GLCE: variants seen among roughly 807,000 people sequenced by gnomAD.
The protein encoded by GLCE is glucuronic acid epimerase.
GLCE carries 19 observed loss-of-function variants against 47.9 expected under a neutral mutation model. The ratio of observed to expected loss-of-function variants is 0.40; its 90% CI spans 0.28 to 0.58. The LOEUF (loss-of-function observed/expected upper bound fraction) is 0.58. GLCE is among the 20% of genes least tolerant of loss of function. The pLI is 0.48. For missense variants in GLCE, 556 were observed against 743.3 expected (o/e 0.75, Z 2.93); for synonymous variants, 245 against 263.4 (o/e 0.93, Z 0.68).
chr15:69,238,366 C>G (rs989322312), intron 2 of GLCE, among the ~76,000 whole-genome samples: 2 of 151,914 alleles, frequency 1.3e-5, no homozygotes, highest in South Asian at 4.2e-4. Flanking sequence ...TATGTGCTCA[C>G]TAATAATTTT....
chr15:69,181,951 G>A (rs1174919886), intron 1 of GLCE, among the ~76,000 whole-genome samples: 7 of 151,830 alleles, frequency 4.6e-5, no homozygotes, highest in Non-Finnish European at 8.8e-5. Context: ...AATAGTTCAC[G>A]CTAGTAATGA....
At chr15:69,218,174 A>G (rs767193742) in intron 2 of GLCE, among the ~76,000 whole-genome samples, 5 of 150,238 alleles carry the variant, frequency 3.3e-5, no homozygotes, top group African/African-American at 1.2e-4. Context: ...AAAAAAAGGA[A>G]ATTCACACTT....
At chr15:69,205,165 C>A (rs774895567) in intron 1 of GLCE, among the ~76,000 whole-genome samples, 46 of 151,980 alleles carry the variant, frequency 3.0e-4, no homozygotes, top group Non-Finnish European at 5.2e-4. Flanking sequence ...TGTGCTCCCC[C>A]CCACCCCTCA....
At chr15:69,224,275 G>A (rs1441482176) in intron 2 of GLCE, among the ~76,000 whole-genome samples, 1 of 152,136 alleles carries the variant, frequency 6.6e-6, no homozygotes, top group Non-Finnish European at 1.5e-5. Context: ...TAAGGAAACA[G>A]GGATCAGCCT....
chr15:69,258,224 A>G (rs895638136), intron 3 of GLCE, among the ~76,000 whole-genome samples: 4 of 151,756 alleles, frequency 2.6e-5, no homozygotes, highest in African/African-American at 9.7e-5. Context: ...TTTAGCTCCC[A>G]CTTAGAAGTG....
chr15:69,270,706 A>G lies in GLCE; in HGVS notation c.*1462A>G, dbSNP rs1213481313. On this transcript the variant is annotated 3_prime_UTR_variant, in exon 5 of 5. Transcript: ENST00000261858. Reference sequence around the variant, plus strand: ...AATTGAATTCAAACTATCAAGCACTACTTAGAAACTGGAAAACATATATAT... The same window carrying G: ...AATTGAATTCAAACTATCAAGCACTGCTTAGAAACTGGAAAACATATATAT... 1.3e-5 allele frequency: 2 copies of G among 152,150 alleles called. No individual in the cohort carries two copies. The highest frequency in any genetic ancestry group is 2.9e-5 in the Non-Finnish European group (2 of 68,016). The allele number at this position is 152,150 out of a possible 1,614,324, so 9.4% of individuals were successfully genotyped here. A position where few individuals can be genotyped will look rare whatever the true frequency, so the allele number is the denominator to read the frequency against.
chr15:69,181,427 G>C (rs2051747380), intron 1 of GLCE, among the ~76,000 whole-genome samples: 1 of 152,162 alleles, frequency 6.6e-6, no homozygotes, highest in Admixed American at 6.5e-5. Flanking sequence ...TGAAGAACTA[G>C]CAAAGGAAAC....
rs1044308630 is a variant in GLCE at position 69,249,714 on chromosome 15, A to G, written c.-13-6080A>G. Among the ~76,000 whole-genome samples the G allele has an allele frequency of 5.9e-5, 9 of 152,226 alleles. No individual in the cohort carries two copies. The East Asian group carries it at 1.7e-3, about 29-fold the overall frequency. ...TGTTCTTTACTGAAATACAACCTTC[A>G]TATTTTGAAAGCTCATGATGCTATC... On this transcript the variant is annotated intron_variant, in intron 2 of 4. Coordinates refer to ENST00000261858, the MANE Select transcript of GLCE (RefSeq NM_015554.3).
chr15:69,243,479 C>T (rs1488811024), intron 2 of GLCE, among the ~76,000 whole-genome samples: 1 of 151,512 alleles, frequency 6.6e-6, no homozygotes, highest in African/African-American at 2.4e-5. Flanking sequence ...TGGCTCACAC[C>T]TGTAATCCCA....
chr15:69,246,049 T>C (rs1255665453), intron 2 of GLCE, among the ~76,000 whole-genome samples: 5 of 152,164 alleles, frequency 3.3e-5, no homozygotes. Flanking sequence ...ACAATGTTCA[T>C]GGCATCTTCA....
At chr15:69,248,871 C>G (rs1301960283) in intron 2 of GLCE, among the ~76,000 whole-genome samples, 1 of 152,148 alleles carries the variant, frequency 6.6e-6, no homozygotes, top group Non-Finnish European at 1.5e-5. Context: ...TCCCAAAGTG[C>G]TGGGATTACA....
At chr15:69,226,694 G>A (rs2052452070) in intron 2 of GLCE, among the ~76,000 whole-genome samples, 1 of 140,082 alleles carries the variant, frequency 7.1e-6, no homozygotes, top group African/African-American at 2.7e-5. Context: ...TTTTAATATA[G>A]ATTTCATATC....
At chr15:69,248,139 T>C (rs1007867932) in intron 2 of GLCE, among the ~76,000 whole-genome samples, 2 of 152,250 alleles carry the variant, frequency 1.3e-5, no homozygotes, top group African/African-American at 2.4e-5. Context: ...ATTTCCTTCC[T>C]GTTTTGCCTT....
chr15:69,161,104 C>T (rs1372622551), intron 1 of GLCE, among the ~76,000 whole-genome samples: 2 of 152,080 alleles, frequency 1.3e-5, no homozygotes, highest in East Asian at 3.9e-4. Context: ...TCTTGAGCTT[C>T]TTGGAGGTGG....
chr15:69,174,002 C>T (rs952731273), intron 1 of GLCE, among the ~76,000 whole-genome samples: 7 of 151,874 alleles, frequency 4.6e-5, no homozygotes, highest in African/African-American at 1.4e-4. Flanking sequence ...GGACTACAGG[C>T]GCATGCCACC....
intron 1 of GLCE, among the ~76,000 whole-genome samples, chr15:69,209,133 A>AT (rs2052191853): frequency 6.6e-6 from 1 of 150,966 alleles, no homozygotes. Context: ...TTCTTCTTTT[A>AT]TCTTCTATTT....
chr15:69,221,587 G>A (rs2140389925), intron 2 of GLCE, among the ~76,000 whole-genome samples: 1 of 152,074 alleles, frequency 6.6e-6, no homozygotes, highest in African/African-American at 2.4e-5. Flanking sequence ...ATTAGGCTGG[G>A]CACGGTGGCT....
chr15:69,224,351 A>T (rs1023285470), intron 2 of GLCE, among the ~76,000 whole-genome samples: 1 of 152,198 alleles, frequency 6.6e-6, no homozygotes, highest in Non-Finnish European at 1.5e-5. Flanking sequence ...TTTCCTGGAC[A>T]TGCATGATCA....
In GLCE at chr15:69,268,449, C is replaced by A. The variant is rs1158619257; in HGVS notation, c.1059C>A (p.Asp353Glu). ...CTTCATGGAGCACAGTTACCAGGGA[C>A]CTGGTCACTGACCTCAGGAAAGGAG... The part of the protein sequence containing the change: ...PRTSWSTVTR[D>E]LVTDLRKGVG... Residue 353 changes from aspartate to glutamate, a missense_variant, in exon 5 of 5, where the codon GAC (aspartate) becomes GAA (glutamate). This residue lies in a region of GLCE where 245 missense variants were observed against 368.1 expected (regional missense o/e 0.67). Coordinates refer to ENST00000261858, the MANE Select transcript of GLCE (RefSeq NM_015554.3). The A allele has an allele frequency of 6.2e-7, 1 of 1,614,104 alleles. No homozygotes were observed.
Sources: allele counts gnomAD v4.1 joint callset (sites outside exome capture counted in the v4.1 genomes callset), GRCh38; gene constraint gnomAD v4.1.1; regional missense constraint gnomAD v4.1.1; transcripts MANE v1.5; gene names NCBI Gene and HGNC (gene_info 2026-07-23, HGNC 2026-07-21).